ZNF527: variants seen among roughly 807,000 people sequenced by gnomAD.
The protein encoded by ZNF527 is zinc finger protein 527.
A neutral mutation model predicts 13.5 loss-of-function variants in ZNF527; 5 were observed. That is an observed-to-expected ratio of 0.37 (90% confidence interval 0.19 to 0.78). The LOEUF (loss-of-function observed/expected upper bound fraction) is 0.78, where lower values mean the gene tolerates loss of function less well. Ranked by LOEUF, ZNF527 falls within the 30% of genes least tolerant of loss-of-function variation. The pLI, the probability that ZNF527 is intolerant of heterozygous loss-of-function variation, is 0.48. For missense variants in ZNF527, 628 were observed against 726.4 expected, an observed-to-expected ratio of 0.86 and a Z score of 1.56; for synonymous variants, 209 against 243.1, an observed-to-expected ratio of 0.86 and a Z score of 1.30.
At chr19:37,374,471 G>A (rs1245172828) in intron 2 of ZNF527, among the ~76,000 whole-genome samples, 1 of 152,200 alleles carries the variant, frequency 6.6e-6, no homozygotes, top group Non-Finnish European at 1.5e-5. Flanking sequence ...TCGGCAATGA[G>A]TGCAAGTGAA....
chr19:37,390,794 A>G lies in ZNF527; in HGVS notation c.*915A>G, dbSNP rs1256510520. 6.6e-6 allele frequency: 1 copy of G among 152,144 alleles called. No homozygotes were observed. The highest frequency in any genetic ancestry group is 1.9e-4 in the East Asian group (1 of 5,192). The allele number at this position is 152,144 out of a possible 1,614,324, so 9.4% of individuals were successfully genotyped here. The stretch of plus-strand genomic sequence containing the variant: ...TTAATTTGGATTATATTTTTGCCTC[A>G]TGGAATTAGAGTGCTGATTCACACA... On this transcript the variant is annotated 3_prime_UTR_variant, in exon 5 of 5. Transcript: ENST00000436120.
chr19:37,377,374 G>A (rs1183367401), intron 2 of ZNF527, among the ~76,000 whole-genome samples: 2 of 152,134 alleles, frequency 1.3e-5, no homozygotes, highest in Non-Finnish European at 2.9e-5. Context: ...GCTGGAGGAT[G>A]AGGAAGTTAA....
intron 2 of ZNF527, among the ~76,000 whole-genome samples, chr19:37,376,055 C>T (rs1023761861): frequency 4.1e-4 from 63 of 152,216 alleles, no homozygotes; most frequent in African/African-American, 1.5e-3. Flanking sequence ...AGGCCGGGTG[C>T]GGTGGCTTAT....
At chr19:37,386,264 C>T (rs2040699004) in intron 4 of ZNF527, among the ~76,000 whole-genome samples, 1 of 150,858 alleles carries the variant, frequency 6.6e-6, no homozygotes, top group Admixed American at 6.6e-5. Context: ...GCCTCAGCCA[C>T]CTGGGTAGCT....
In ZNF527 at chr19:37,389,077, C is replaced by T; in HGVS notation, c.1028C>T (p.Ala343Val). 6.2e-7 allele frequency: 1 copy of T among 1,614,126 alleles called. No individual in the cohort carries two copies. Among genetic ancestry groups the T allele is most frequent in the Non-Finnish European group, 8.5e-7 (1 of 1,180,012 alleles). The change falls in exon 5 of 5, where the codon GCT becomes GTT. Residue 343 changes from alanine (A) to valine (V), a missense_variant. Coordinates refer to ENST00000436120, the MANE Select transcript of ZNF527 (RefSeq NM_032453.2). ...KECNKAFRQSAHLAQHQRIHT... is the reference protein window; with the variant it reads ...KECNKAFRQSVHLAQHQRIHT... ...TGTAACAAAGCTTTCAGACAGAGTG[C>T]TCACCTTGCTCAACATCAGAGGATC...
chr19:37,375,275 T>A (rs1298637298), intron 2 of ZNF527, among the ~76,000 whole-genome samples: 1 of 127,454 alleles, frequency 7.8e-6, no homozygotes, highest in Non-Finnish European at 1.6e-5. Context: ...TCTTTCTTTC[T>A]TTCTTTCTTT....
chr19:37,374,255 T>G, intron 2 of ZNF527, 24 bp downstream of exon 2: 1 of 1,613,720 alleles, frequency 6.2e-7, no homozygotes, highest in Non-Finnish European at 8.5e-7. Context: ...TTCACTTTGT[T>G]TTCAGACATT....
chr19:37,371,653 AC>A (rs1363935025), intron 1 of ZNF527, among the ~76,000 whole-genome samples: 1 of 152,158 alleles, frequency 6.6e-6, no homozygotes, highest in Non-Finnish European at 1.5e-5. Flanking sequence ...TGCGACTATG[AC>A]CATCTGTCTC....
rs756937102 is a variant in ZNF527 at position 37,388,631 on chromosome 19, T to C, written c.582T>C (p.Asp194=). ...CCATACAGCAAGTACATAAATTTGA[T>C]ATTTATGATAAACTCTTCCCCCAAA... ...VPTIQQVHKF[D]IYDKLFPQNS... Residue 194 remains aspartate, a synonymous_variant, in exon 5 of 5, where the codon GAT becomes GAC. Coordinates refer to ENST00000436120, the MANE Select transcript of ZNF527 (RefSeq NM_032453.2). The C allele has an allele frequency of 1.9e-6, 3 of 1,613,530 alleles. No homozygotes were observed.
In ZNF527 at chr19:37,392,653, G is replaced by A. The variant is rs1398499833; in HGVS notation, c.*2774G>A. 6.6e-6 allele frequency: 1 copy of A among 152,162 alleles called. No homozygotes were observed. The highest frequency in any genetic ancestry group is 1.5e-5 in the Non-Finnish European group (1 of 68,046). The allele number at this position is 152,162 out of a possible 1,614,324, so 9.4% of individuals were successfully genotyped here. On this transcript the variant is annotated 3_prime_UTR_variant, in exon 5 of 5. Coordinates refer to ENST00000436120, the MANE Select transcript of ZNF527 (RefSeq NM_032453.2). ...GATTTGCCCATCTCGGCTTCCCAAA[G>A]TGCTGAGATTATAGGGATGAGTCAC...
In ZNF527 at chr19:37,389,372, C is replaced by T. The variant is rs367673935; in HGVS notation, c.1323C>T (p.Pro441=). ...LHQRIHTGEK[P]FKCSECGKTF... is the part of the protein sequence containing the mutation. ...AAAGAATTCACACAGGAGAGAAACC[C>T]TTCAAATGTAGTGAATGTGGGAAGA... The change falls in exon 5 of 5, where the codon CCC becomes CCT. Residue 441 remains proline, a synonymous_variant. Transcript: ENST00000436120. The T allele has an allele frequency of 6.2e-7, 1 of 1,614,024 alleles. No individual in the cohort carries two copies. Among genetic ancestry groups the T allele is most frequent in the Non-Finnish European group, 8.5e-7 (1 of 1,180,038 alleles).
Position 37,382,549 on chromosome 19 carries a change from C to A in ZNF527, c.256+2177C>A, listed in dbSNP as rs369342955. Among the ~76,000 whole-genome samples the A allele has an allele frequency of 5.3e-5, 8 of 152,226 alleles. No homozygotes were observed. The South Asian group carries it at 1.2e-3, about 24-fold the overall frequency. On this transcript the variant is annotated intron_variant, in intron 4 of 4. Transcript: ENST00000436120. ...TACCTATTTGTTCAATTTTAGTATA[C>A]ACATAAAGTAGTTTCAGAATTTCTA...
chr19:37,384,910 T>C, intron 4 of ZNF527: 1 of 702,058 alleles, frequency 1.4e-6, no homozygotes, highest in South Asian at 1.5e-5. Flanking sequence ...TGGCATGATC[T>C]TGGCTCACTG....
At position 37,391,314 on chromosome 19, in the gene ZNF527, A is replaced by C. The variant is rs1483283831; in HGVS notation, c.*1435A>C. On this transcript the variant is annotated 3_prime_UTR_variant, in exon 5 of 5. Transcript: ENST00000436120. Reference sequence around the variant, plus strand: ...ACCCAGTGCGGTGGCTCACGCCTGTAATCCGAGCACTTTGGGAGGCCGAGG... The same window carrying C: ...ACCCAGTGCGGTGGCTCACGCCTGTCATCCGAGCACTTTGGGAGGCCGAGG... 1.3e-5 allele frequency: 2 copies of C among 152,194 alleles called. No individual in the cohort carries two copies. Among genetic ancestry groups the C allele is most frequent in the Non-Finnish European group, 2.9e-5 (2 of 68,066 alleles). 9.4% of individuals were successfully genotyped at this position (152,194 alleles called of 1,614,324 possible).
chr19:37,376,216 G>A (rs1248022138), intron 2 of ZNF527, among the ~76,000 whole-genome samples: 2 of 152,034 alleles, frequency 1.3e-5, no homozygotes, highest in African/African-American at 2.4e-5. Flanking sequence ...TAGGCATGGC[G>A]GCAGATGCCT....
chr19:37,382,834 G>C (rs2040665314), intron 4 of ZNF527, among the ~76,000 whole-genome samples: 1 of 152,086 alleles, frequency 6.6e-6, no homozygotes. Context: ...AGCCTCCCGG[G>C]TAGCTGTGAC....
intron 1 of ZNF527, among the ~76,000 whole-genome samples, chr19:37,372,227 C>T (rs972618718): frequency 6.6e-6 from 1 of 151,846 alleles, no homozygotes; most frequent in African/African-American, 2.4e-5. Context: ...TCTCCAACTC[C>T]TGACCTCATG....
chr19:37,376,322 A>G (rs2040607320), intron 2 of ZNF527, among the ~76,000 whole-genome samples: 1 of 152,086 alleles, frequency 6.6e-6, no homozygotes, highest in Non-Finnish European at 1.5e-5. Flanking sequence ...TACACATTAC[A>G]GCCTGTGCAA....
chr19:37,373,498 C>T (rs1477365274), intron 1 of ZNF527, among the ~76,000 whole-genome samples: 1 of 152,152 alleles, frequency 6.6e-6, no homozygotes, highest in African/African-American at 2.4e-5. Context: ...CATTAGAATA[C>T]ACCTGTGAAC....
Sources: allele counts gnomAD v4.1 joint callset (sites outside exome capture counted in the v4.1 genomes callset), GRCh38; gene constraint gnomAD v4.1.1; transcripts MANE v1.5; gene names NCBI Gene and HGNC (gene_info 2026-07-23, HGNC 2026-07-21).